ABTB3: variants seen among roughly 807,000 people sequenced by gnomAD.
ABTB3 encodes ankyrin repeat and BTB domain containing 3, also known as ankyrin repeat- and BTB/POZ domain-containing protein 3.
the ABTB3 span, among the ~76,000 whole-genome samples, chr12:107,505,135 C>A: frequency 9.9e-5 from 15 of 152,166 alleles, no homozygotes; most frequent in Admixed American, 3.9e-4. Flanking sequence ...TGGATGTATA[C>A]CTCCATTCAC....
chr12:107,356,399 C>T, the ABTB3 span, among the ~76,000 whole-genome samples: 18 of 152,122 alleles, frequency 1.2e-4, no homozygotes, highest in African/African-American at 4.1e-4. Flanking sequence ...CTCTTTAATA[C>T]GATGAGGAGG....
At chr12:107,576,640 G>A in the ABTB3 span, among the ~76,000 whole-genome samples, 1 of 152,148 alleles carries the variant, frequency 6.6e-6, no homozygotes, top group Non-Finnish European at 1.5e-5. Context: ...GGAATTTGGG[G>A]GAACACGGTT....
At chr12:107,564,080 ATCTATC>A in the ABTB3 span, among the ~76,000 whole-genome samples, 3 of 133,636 alleles carry the variant, frequency 2.2e-5, no homozygotes, top group East Asian at 2.9e-4. Flanking sequence ...CTCTCTCTCT[ATCTATC>A]TCTCTGTGTG....
At chr12:107,413,091 C>T in the ABTB3 span, among the ~76,000 whole-genome samples, 1 of 151,592 alleles carries the variant, frequency 6.6e-6, no homozygotes, top group African/African-American at 2.4e-5. Flanking sequence ...TGGCTAACAC[C>T]GTGAAACCCT....
chr12:107,353,924 C>T, the ABTB3 span, among the ~76,000 whole-genome samples: 10 of 152,208 alleles, frequency 6.6e-5, no homozygotes, highest in South Asian at 1.9e-3. Context: ...TTGTCTTCCA[C>T]AAAACCGGTC....
chr12:107,322,031 TA>T, the ABTB3 span, among the ~76,000 whole-genome samples: 1,634 of 152,298 alleles, frequency 0.011, 29 homozygotes, highest in African/African-American at 0.037. Context: ...GCCTCATCTG[TA>T]AAATAGGGGG....
At chr12:107,466,156 T>C in the ABTB3 span, among the ~76,000 whole-genome samples, 1 of 152,016 alleles carries the variant, frequency 6.6e-6, no homozygotes. Flanking sequence ...GTGGTGGTAT[T>C]TGGGAGCCTT....
the ABTB3 span, among the ~76,000 whole-genome samples, chr12:107,394,786 TCC>T: frequency 3.3e-5 from 5 of 152,206 alleles, no homozygotes; most frequent in East Asian, 7.7e-4. Flanking sequence ...GCTGTTTTCC[TCC>T]TCCTCATCAT....
At chr12:107,612,819 G>A in the ABTB3 span, 2 of 1,613,810 alleles carry the variant, frequency 1.2e-6, no homozygotes, top group Non-Finnish European at 1.7e-6. Flanking sequence ...CCGTGGGGAC[G>A]AGGCGATGGT....
At chr12:107,493,643 G>T in the ABTB3 span, among the ~76,000 whole-genome samples, 1 of 152,286 alleles carries the variant, frequency 6.6e-6, no homozygotes, top group South Asian at 2.1e-4. Context: ...AAGTGACCTT[G>T]TTTGGAGCTA....
the ABTB3 span, among the ~76,000 whole-genome samples, chr12:107,519,064 T>C: frequency 4.6e-5 from 7 of 152,360 alleles, no homozygotes; most frequent in South Asian, 4.1e-4. Flanking sequence ...CTCAGTAGGA[T>C]ACTTGGTAGG....
chr12:107,372,665 C>T, the ABTB3 span, among the ~76,000 whole-genome samples: 6 of 152,192 alleles, frequency 3.9e-5, no homozygotes, highest in Non-Finnish European at 4.4e-5. Flanking sequence ...CACCCCAGAG[C>T]CTCTATCACA....
the ABTB3 span, among the ~76,000 whole-genome samples, chr12:107,632,340 G>A: frequency 6.6e-6 from 1 of 152,192 alleles, no homozygotes; most frequent in African/African-American, 2.4e-5. Flanking sequence ...TTGATTAGAA[G>A]GAAGCTGATT....
At chr12:107,421,039 G>C in the ABTB3 span, among the ~76,000 whole-genome samples, 1 of 152,160 alleles carries the variant, frequency 6.6e-6, no homozygotes, top group African/African-American at 2.4e-5. Context: ...TCAGTAGAGA[G>C]GAAGTCTACT....
chr12:107,513,944 T>C, the ABTB3 span, among the ~76,000 whole-genome samples: 1 of 152,264 alleles, frequency 6.6e-6, no homozygotes, highest in Admixed American at 6.5e-5. Context: ...TTTGGGAAGA[T>C]GATCTGCAAG....
At chr12:107,345,390 G>A in the ABTB3 span, among the ~76,000 whole-genome samples, 1 of 152,180 alleles carries the variant, frequency 6.6e-6, no homozygotes, top group Non-Finnish European at 1.5e-5. Context: ...GCCCAGCAAA[G>A]AGAATTGGAA....
chr12:107,379,182 C>T, the ABTB3 span, among the ~76,000 whole-genome samples: 2 of 152,174 alleles, frequency 1.3e-5, no homozygotes, highest in Non-Finnish European at 2.9e-5. Context: ...ATTTAAAGCA[C>T]ACATTGCTCC....
the ABTB3 span, among the ~76,000 whole-genome samples, chr12:107,478,345 GC>G: frequency 6.6e-6 from 1 of 152,152 alleles, no homozygotes; most frequent in Admixed American, 6.5e-5. Flanking sequence ...ACTCACTCAA[GC>G]TAGGCGAGAT....
At chr12:107,344,555 C>T in the ABTB3 span, among the ~76,000 whole-genome samples, 3 of 152,198 alleles carry the variant, frequency 2.0e-5, no homozygotes, top group African/African-American at 7.2e-5. Context: ...GACCTCATCC[C>T]CAGTCAAGTG....
Sources: gnomAD v4.1 joint callset for allele counts (sites outside exome capture counted in the v4.1 genomes callset) on GRCh38, gnomAD v4.1.1 for gene constraint, MANE v1.5 for transcripts, NCBI Gene and HGNC (gene_info 2026-07-23, HGNC 2026-07-21) for gene names.